The following EXOC4 variants were observed in gnomAD, a reference collection of about 807,000 sequenced individuals.
EXOC4 encodes exocyst complex component 4, also known as SEC8-like 1.
Under a neutral mutation model 107.2 loss-of-function variants are expected in EXOC4, and 71 were observed. The observed-to-expected ratio is 0.66, with a 90% CI of 0.55 to 0.81. EXOC4 has a LOEUF of 0.81. Among genes scored for constraint, EXOC4 ranks in the 30% least tolerant of loss-of-function variants. EXOC4 has a pLI of 0.00. For missense variants in EXOC4, 1,108 were observed against 1,189.6 expected (o/e 0.93, Z 1.01); for synonymous variants, 456 against 441.2 (o/e 1.03, Z -0.42).
At chr7:133,300,400 T>C (rs1015952336) in intron 3 of EXOC4, among the ~76,000 whole-genome samples, 1 of 152,132 alleles carries the variant, frequency 6.6e-6, no homozygotes, top group Non-Finnish European at 1.5e-5. Context: ...CAGAGGTTGT[T>C]TTTCCCATAG....
intron 10 of EXOC4, among the ~76,000 whole-genome samples, chr7:133,773,881 C>T (rs1480182175): frequency 6.6e-6 from 1 of 152,012 alleles, no homozygotes; most frequent in Non-Finnish European, 1.5e-5. Context: ...AGATTTGTTT[C>T]GTTTTATTTT....
chr7:133,558,204 T>C (rs949608009), intron 9 of EXOC4, among the ~76,000 whole-genome samples: 24 of 127,846 alleles, frequency 1.9e-4, no homozygotes, highest in African/African-American at 8.5e-4. Flanking sequence ...TTCTTTTCTT[T>C]TCTTTTCTTT....
intron 4 of EXOC4, among the ~76,000 whole-genome samples, chr7:133,308,328 A>T (rs566798690): frequency 6.6e-6 from 1 of 152,334 alleles, no homozygotes; most frequent in African/African-American, 2.4e-5. Context: ...TCTTTTAGAA[A>T]GTGACTAAGT....
At chr7:133,558,207 TTTTC>T (rs1800736041) in intron 9 of EXOC4, among the ~76,000 whole-genome samples, 3 of 135,200 alleles carry the variant, frequency 2.2e-5, no homozygotes, top group African/African-American at 9.6e-5. Context: ...TTTTCTTTTC[TTTTC>T]TTTTCTTTTC....
intron 6 of EXOC4, 38 bp from the exon 7 acceptor site, chr7:133,374,786 TGTAC>T (rs777906349): frequency 2.6e-6 from 4 of 1,541,394 alleles, no homozygotes; most frequent in Middle Eastern, 1.7e-4. Flanking sequence ...TTTATCTGCG[TGTAC>T]GTATGTGTAA....
At chr7:133,816,356 A>T (rs1797368810) in intron 10 of EXOC4, among the ~76,000 whole-genome samples, 1 of 152,212 alleles carries the variant, frequency 6.6e-6, no homozygotes, top group Non-Finnish European at 1.5e-5. Flanking sequence ...TGTTATTAAA[A>T]TAAGAATTTT....
rs371729448 is a variant in EXOC4 at position 133,512,428 on chromosome 7, TA to T, written c.1417+32302del. On this transcript the variant is annotated intron_variant, in intron 9 of 17. Transcript: ENST00000253861. ...TGGGCGATAGAGTGAGACTCCATCTTAAAAAAAAAAAAGAAAATACATAGTA... is the reference window on the plus strand; with the variant it reads ...TGGGCGATAGAGTGAGACTCCATCTTAAAAAAAAAAAGAAAATACATAGTA... 2.7e-3 allele frequency among the ~76,000 whole-genome samples: 385 copies of T among 141,802 alleles called. 2 individuals carry two copies. The highest frequency in any genetic ancestry group is 0.011 in the Middle Eastern group (3 of 272). 93.0% of individuals were successfully genotyped at this position (141,802 alleles called of 152,430 possible).
At chr7:134,088,083 T>C in the EXOC4 span, among the ~76,000 whole-genome samples, 1 of 152,164 alleles carries the variant, frequency 6.6e-6, no homozygotes, top group South Asian at 2.1e-4. Flanking sequence ...CTCCTAGGCC[T>C]GATAGAAAGT....
At chr7:133,971,334 G>GTGTA (rs1413652002) in intron 14 of EXOC4, among the ~76,000 whole-genome samples, 4 of 41,796 alleles carry the variant, frequency 9.6e-5, no homozygotes, top group African/African-American at 2.0e-4. Context: ...GGGAAAATGT[G>GTGTA]TATATATATA....
chr7:133,837,952 G>A (rs1159460964), intron 11 of EXOC4, among the ~76,000 whole-genome samples: 3 of 152,090 alleles, frequency 2.0e-5, no homozygotes, highest in Non-Finnish European at 2.9e-5. Flanking sequence ...CCCTTACAGC[G>A]CTGGATAAAG....
At chr7:133,275,218 T>G in intron 2 of EXOC4, 47 bp downstream of exon 2, 1 of 1,452,094 alleles carries the variant, frequency 6.9e-7, no homozygotes, top group South Asian at 1.5e-5. Flanking sequence ...CCCATCACTA[T>G]AGGTGTTGCA....
intron 10 of EXOC4, among the ~76,000 whole-genome samples, chr7:133,675,281 C>T (rs1479528691): frequency 1.3e-5 from 2 of 152,102 alleles, no homozygotes; most frequent in African/African-American, 2.4e-5. Context: ...CAAGCCAGGA[C>T]GTCTGTGTGG....
intron 9 of EXOC4, among the ~76,000 whole-genome samples, chr7:133,608,546 CT>C (rs1161155238): frequency 0.022 from 1,860 of 85,000 alleles, 14 homozygotes; most frequent in African/African-American, 0.077. Flanking sequence ...TGCTGTATTT[CT>C]TTTTTTTTTT....
intron 11 of EXOC4, among the ~76,000 whole-genome samples, chr7:133,866,496 C>G (rs1451466604): frequency 6.6e-6 from 1 of 152,186 alleles, no homozygotes; most frequent in South Asian, 2.1e-4. Context: ...TAGAGAGGCT[C>G]TACTGGTGAG....
intron 9 of EXOC4, among the ~76,000 whole-genome samples, chr7:133,531,827 G>T (rs2150922278): frequency 6.6e-6 from 1 of 152,102 alleles, no homozygotes; most frequent in African/African-American, 2.4e-5. Flanking sequence ...TTGGGGACTA[G>T]AGGCCTGGTA....
At chr7:133,670,208 G>C (rs1267900036) in intron 10 of EXOC4, among the ~76,000 whole-genome samples, 1 of 152,208 alleles carries the variant, frequency 6.6e-6, no homozygotes, top group Non-Finnish European at 1.5e-5. Flanking sequence ...TCAGGTTGCA[G>C]AGTCTTTGGG....
intron 11 of EXOC4, among the ~76,000 whole-genome samples, chr7:133,863,563 G>A (rs181682006): frequency 1.3e-5 from 2 of 152,332 alleles, no homozygotes; most frequent in African/African-American, 4.8e-5. Flanking sequence ...GCAGAGTCCA[G>A]CAAGAGAGGC....
intron 10 of EXOC4, among the ~76,000 whole-genome samples, chr7:133,676,753 T>C (rs1794066885): frequency 6.6e-6 from 1 of 152,206 alleles, no homozygotes; most frequent in Admixed American, 6.5e-5. Flanking sequence ...TCTAACTGTG[T>C]ATACCCTTGA....
chr7:133,611,156 G>A (rs2150996868), intron 9 of EXOC4, among the ~76,000 whole-genome samples: 1 of 152,118 alleles, frequency 6.6e-6, no homozygotes, highest in East Asian at 1.9e-4. Flanking sequence ...ACTGGTAATT[G>A]TTAGATTGTT....
Sources: gnomAD v4.1 joint callset for allele counts (sites outside exome capture counted in the v4.1 genomes callset) on GRCh38, gnomAD v4.1.1 for gene constraint, MANE v1.5 for transcripts, NCBI Gene and HGNC (gene_info 2026-07-23, HGNC 2026-07-21) for gene names.